MALRD1: variants seen among roughly 807,000 people sequenced by gnomAD.
The protein encoded by MALRD1 is MAM and LDL receptor class A domain containing 1.
In MALRD1, 247 loss-of-function variants were observed where a neutral mutation model predicts 242.1. The ratio of observed to expected loss-of-function variants is 1.02; its 90% CI spans 0.92 to 1.13. MALRD1 has a LOEUF of 1.13. MALRD1 is among the 50% of genes most tolerant of loss of function. The pLI is 0.00. For missense variants in MALRD1, 2,989 were observed against 2,533.1 expected (o/e 1.18, Z -3.86); for synonymous variants, 995 against 866.6 (o/e 1.15, Z -2.60).
intron 26 of MALRD1, among the ~76,000 whole-genome samples, chr10:19,359,446 G>T (rs149796786): frequency 6.6e-6 from 1 of 152,214 alleles, no homozygotes; most frequent in African/African-American, 2.4e-5. Flanking sequence ...ACGTTTTGAA[G>T]ATTTTGTGGA....
At chr10:19,105,228 CT>C (rs1836423140) in intron 5 of MALRD1, among the ~76,000 whole-genome samples, 1 of 151,874 alleles carries the variant, frequency 6.6e-6, no homozygotes, top group South Asian at 2.1e-4. Context: ...ATAAGATAGG[CT>C]TTTGAAAATT....
Position 19,161,817 on chromosome 10 carries a change from C to T in MALRD1, c.1657-3820C>T, listed in dbSNP as rs545829489. Among the ~76,000 whole-genome samples, 103 of 152,224 alleles carry T rather than the reference C, an allele frequency of 6.8e-4. 1 individual carries two copies. The highest frequency in any genetic ancestry group is 2.3e-3 in the African/African-American group (97 of 41,550). On this transcript the variant is annotated intron_variant, in intron 12 of 39. Coordinates refer to ENST00000454679, the MANE Select transcript of MALRD1 (RefSeq NM_001142308.3). ...GGCTGAGGCAGGTGGATCACGAGGT[C>T]AGGAGATCGAGATCATCCTGGCCAA...
intron 26 of MALRD1, among the ~76,000 whole-genome samples, chr10:19,381,983 G>A (rs1845857520): frequency 1.3e-5 from 2 of 151,980 alleles, no homozygotes; most frequent in African/African-American, 4.8e-5. Flanking sequence ...TTGACCAATG[G>A]TACTACGAAA....
At chr10:19,345,025 T>G (rs902294209) in intron 24 of MALRD1, among the ~76,000 whole-genome samples, 1 of 152,128 alleles carries the variant, frequency 6.6e-6, no homozygotes, top group Non-Finnish European at 1.5e-5. Context: ...CCCAAGACTA[T>G]GTGCTCCTTT....
At chr10:19,549,197 A>G (rs544431974) in intron 32 of MALRD1, among the ~76,000 whole-genome samples, 1 of 152,310 alleles carries the variant, frequency 6.6e-6, no homozygotes, top group African/African-American at 2.4e-5. Context: ...GAGGATGGTT[A>G]GTTCATGAGG....
At chr10:19,389,257 G>A (rs759183755) in intron 27 of MALRD1, 195 bp from the exon 28 acceptor site, 2 of 697,442 alleles carry the variant, frequency 2.9e-6, no homozygotes, top group Middle Eastern at 2.3e-4. Flanking sequence ...CGTGCTAAAA[G>A]CACAGACAGT....
chr10:19,569,036 A>G (rs547637776), intron 33 of MALRD1, among the ~76,000 whole-genome samples: 1 of 152,256 alleles, frequency 6.6e-6, no homozygotes, highest in South Asian at 2.1e-4. Flanking sequence ...ATAAATTATG[A>G]TTTATTTACA....
chr10:19,113,798 C>CAT (rs1321516382), intron 5 of MALRD1, among the ~76,000 whole-genome samples: 2 of 130,926 alleles, frequency 1.5e-5, no homozygotes, highest in Non-Finnish European at 3.4e-5. Context: ...CCCCTACACA[C>CAT]ACACACACAC....
At chr10:19,215,825 AATAC>A (rs1837289747) in intron 18 of MALRD1, among the ~76,000 whole-genome samples, 1 of 51,782 alleles carries the variant, frequency 1.9e-5, no homozygotes, top group South Asian at 3.5e-4. Context: ...AATTAGTATA[AATAC>A]ATAATTTAGT....
At chr10:19,308,012 T>A (rs766211454) in intron 21 of MALRD1, among the ~76,000 whole-genome samples, 4 of 151,596 alleles carry the variant, frequency 2.6e-5, no homozygotes, top group Non-Finnish European at 5.9e-5. Flanking sequence ...TTCAAGAATT[T>A]ATCCTTTGTG....
At chr10:19,122,767 C>T (rs1837109593) in intron 5 of MALRD1, among the ~76,000 whole-genome samples, 1 of 151,998 alleles carries the variant, frequency 6.6e-6, no homozygotes, top group Non-Finnish European at 1.5e-5. Flanking sequence ...ACTCTGTCAC[C>T]CAGGGTGGAG....
chr10:19,335,691 A>G (rs1843575705), intron 24 of MALRD1, among the ~76,000 whole-genome samples: 1 of 152,110 alleles, frequency 6.6e-6, no homozygotes, highest in African/African-American at 2.4e-5. Flanking sequence ...ACATATCACA[A>G]CTCTGAGAAG....
chr10:19,364,671 T>G (rs1256764929), intron 26 of MALRD1, among the ~76,000 whole-genome samples: 1 of 152,150 alleles, frequency 6.6e-6, no homozygotes, highest in Non-Finnish European at 1.5e-5. Flanking sequence ...AACAACACAT[T>G]ACATTTCTCT....
chr10:19,224,486 T>A (rs750845654), intron 18 of MALRD1, among the ~76,000 whole-genome samples: 6 of 152,010 alleles, frequency 3.9e-5, no homozygotes, highest in Admixed American at 6.6e-5. Flanking sequence ...AGAGACAGAG[T>A]TTCACCATAT....
At chr10:19,593,482 A>G (rs2131553590) in intron 33 of MALRD1, among the ~76,000 whole-genome samples, 1 of 152,268 alleles carries the variant, frequency 6.6e-6, no homozygotes, top group Middle Eastern at 3.4e-3. Context: ...TTCTCATACA[A>G]CCCATAAATA....
chr10:19,380,176 T>C (rs1383295982), intron 26 of MALRD1, among the ~76,000 whole-genome samples: 1 of 151,786 alleles, frequency 6.6e-6, no homozygotes, highest in Non-Finnish European at 1.5e-5. Flanking sequence ...GGTTTCACCA[T>C]GTTGGCCAGG....
At chr10:19,406,888 C>T (rs1833049755) in intron 28 of MALRD1, among the ~76,000 whole-genome samples, 1 of 152,108 alleles carries the variant, frequency 6.6e-6, no homozygotes, top group South Asian at 2.1e-4. Context: ...CCAACTTCTC[C>T]ATAAAAACAC....
intron 33 of MALRD1, among the ~76,000 whole-genome samples, chr10:19,594,630 A>G (rs1255996350): frequency 1.3e-5 from 2 of 152,216 alleles, no homozygotes; most frequent in Non-Finnish European, 2.9e-5. Flanking sequence ...TAGTACATAT[A>G]CTTCATGGAA....
chr10:19,398,919 T>A (rs1044230537), intron 28 of MALRD1, among the ~76,000 whole-genome samples: 2 of 152,220 alleles, frequency 1.3e-5, no homozygotes, highest in Non-Finnish European at 2.9e-5. Context: ...AAAGAGCTAT[T>A]TCAGCCAACT....
Sources: gnomAD v4.1 joint callset for allele counts (sites outside exome capture counted in the v4.1 genomes callset) on GRCh38, gnomAD v4.1.1 for gene constraint, MANE v1.5 for transcripts, NCBI Gene and HGNC (gene_info 2026-07-23, HGNC 2026-07-21) for gene names.